GRIP1: variants seen among roughly 807,000 people sequenced by gnomAD.
The protein encoded by GRIP1 is glutamate receptor-interacting protein 1.
Under a neutral mutation model 129.9 loss-of-function variants are expected in GRIP1, and 45 were observed. The ratio of observed to expected loss-of-function variants is 0.35; its 90% CI spans 0.27 to 0.44. GRIP1 has a LOEUF of 0.44. GRIP1 is among the 20% of genes least tolerant of loss of function. GRIP1 has a pLI of 1.00. For missense variants in GRIP1, 1,196 were observed against 1,396.8 expected (o/e 0.86, Z 2.29); for synonymous variants, 530 against 520.8 (o/e 1.02, Z -0.24).
intron 1 of GRIP1, among the ~76,000 whole-genome samples, chr12:66,841,015 T>C (rs1160154841): frequency 6.6e-6 from 1 of 152,256 alleles, no homozygotes; most frequent in Non-Finnish European, 1.5e-5. Context: ...AGTATAAGGT[T>C]ATTTCAAATA....
chr12:66,393,888 G>A (rs1449467830), intron 17 of GRIP1, among the ~76,000 whole-genome samples: 1 of 152,138 alleles, frequency 6.6e-6, no homozygotes, highest in Non-Finnish European at 1.5e-5. Context: ...TGGACAAGCT[G>A]TTCAACCTCC....
chr12:66,907,050 C>G (rs889336826), intron 1 of GRIP1, among the ~76,000 whole-genome samples: 1 of 152,180 alleles, frequency 6.6e-6, no homozygotes, highest in African/African-American at 2.4e-5. Flanking sequence ...TTCCAGGATT[C>G]ACTCCAGGAT....
intron 1 of GRIP1, among the ~76,000 whole-genome samples, chr12:66,922,003 CATGAAAAATTATTAAT>C (rs1318211223): frequency 6.6e-6 from 1 of 152,150 alleles, no homozygotes; most frequent in Non-Finnish European, 1.5e-5. Context: ...TAAACAGAGA[CATGAAAAATTATTAAT>C]ATGAAATAAA....
intron 1 of GRIP1, among the ~76,000 whole-genome samples, chr12:66,650,348 T>C (rs982393335): frequency 1.3e-5 from 2 of 152,214 alleles, no homozygotes; most frequent in African/African-American, 4.8e-5. Flanking sequence ...GTGAGCTTTT[T>C]CCAAAGAACT....
At chr12:66,721,771 C>T (rs917178850) in intron 1 of GRIP1, among the ~76,000 whole-genome samples, 2 of 152,094 alleles carry the variant, frequency 1.3e-5, no homozygotes, top group Non-Finnish European at 2.9e-5. Flanking sequence ...TTATACTGGC[C>T]CCTTTCATCA....
At chr12:66,510,601 A>G (rs574527780) in intron 7 of GRIP1, among the ~76,000 whole-genome samples, 3 of 152,298 alleles carry the variant, frequency 2.0e-5, no homozygotes, top group Non-Finnish European at 4.4e-5. Context: ...TTTCAAAAAA[A>G]TTGTCCTTAA....
At chr12:66,605,051 T>TTATA (rs571923160) in intron 1 of GRIP1, among the ~76,000 whole-genome samples, 6 of 140,230 alleles carry the variant, frequency 4.3e-5, no homozygotes, top group South Asian at 4.4e-4. Flanking sequence ...CAGAAGTCAC[T>TTATA]TATATATATA....
intron 1 of GRIP1, among the ~76,000 whole-genome samples, chr12:66,704,990 T>C (rs978438666): frequency 1.1e-4 from 16 of 152,216 alleles, no homozygotes; most frequent in Admixed American, 8.5e-4. Flanking sequence ...ATGTCTTATC[T>C]AGGCAGTAAG....
chr12:66,890,472 T>C (rs2040640267), intron 1 of GRIP1, among the ~76,000 whole-genome samples: 1 of 152,234 alleles, frequency 6.6e-6, no homozygotes, highest in South Asian at 2.1e-4. Context: ...CTGATGCTGT[T>C]AACATGAACA....
intron 15 of GRIP1, 150 bp from the exon 16 acceptor site, chr12:66,406,578 C>T: frequency 1.3e-6 from 1 of 797,286 alleles, no homozygotes; most frequent in Non-Finnish European, 2.2e-6. Flanking sequence ...ACAACTCCCT[C>T]CCTTCTTCTA....
At position 66,603,591 on chromosome 12, in the gene GRIP1, A is replaced by G. The variant is rs558251063; in HGVS notation, c.56-6664T>C. Among the ~76,000 whole-genome samples the G allele has an allele frequency of 4.4e-4, 67 of 152,370 alleles. 1 individual carries two copies. Among genetic ancestry groups the G allele is most frequent in the Admixed American group, 3.9e-3 (59 of 15,310 alleles). Reference sequence around the variant, plus strand: ...CTGATACGACCAACAGCAACTGCACAGGTAGTGAGGATACACCTGTTCCAA... The same window carrying G: ...CTGATACGACCAACAGCAACTGCACGGGTAGTGAGGATACACCTGTTCCAA... On this transcript the variant is annotated intron_variant, in intron 1 of 24. Coordinates refer to ENST00000359742, the MANE Select transcript of GRIP1 (RefSeq NM_001366722.1).
At chr12:66,884,074 AATTG>A (rs2040524107) in intron 1 of GRIP1, among the ~76,000 whole-genome samples, 1 of 152,230 alleles carries the variant, frequency 6.6e-6, no homozygotes, top group South Asian at 2.1e-4. Context: ...TCTGGCAACA[AATTG>A]ATCAGGTTTT....
intron 1 of GRIP1, among the ~76,000 whole-genome samples, chr12:66,848,657 G>A (rs1291512126): frequency 6.6e-6 from 1 of 152,094 alleles, no homozygotes; most frequent in Non-Finnish European, 1.5e-5. Flanking sequence ...TAAATAAACA[G>A]TAAAACCTAA....
At chr12:66,707,503 T>TAAAAAAAAAAAA (rs58564255) in intron 1 of GRIP1, among the ~76,000 whole-genome samples, 1 of 64,040 alleles carries the variant, frequency 1.6e-5, no homozygotes, top group African/African-American at 5.8e-5. Context: ...AATCACTGAC[T>TAAAAAAAAAAAA]AAAAAAAAAA....
chr12:66,414,932 T>TCTAAA (rs2057535730), intron 15 of GRIP1, among the ~76,000 whole-genome samples: 1 of 121,950 alleles, frequency 8.2e-6, no homozygotes, highest in Non-Finnish European at 1.6e-5. Flanking sequence ...TTACACCTTA[T>TCTAAA]ATAAAATAAA....
intron 7 of GRIP1, among the ~76,000 whole-genome samples, chr12:66,491,362 A>G (rs897500151): frequency 1.3e-5 from 2 of 152,232 alleles, no homozygotes; most frequent in Non-Finnish European, 2.9e-5. Context: ...CAACACAGGA[A>G]CAGAATACCA....
At position 66,385,001 on chromosome 12, in the gene GRIP1, A is replaced by G. The variant is rs529743190; in HGVS notation, c.2465-5565T>C. Among the ~76,000 whole-genome samples, 5 of 152,334 alleles carry G rather than the reference A, an allele frequency of 3.3e-5. No individual in the cohort carries two copies. The East Asian group carries it at 9.7e-4, about 29-fold the overall frequency. ...TTGCCATTACTGATAAAAAGTTAAC[A>G]GGCTCTGAGGAATATTCCTTTACAC... On this transcript the variant is annotated intron_variant, in intron 19 of 24. Transcript: ENST00000359742.
chr12:67,067,934 G>C (rs553712056), intron 1 of GRIP1, among the ~76,000 whole-genome samples: 19 of 152,230 alleles, frequency 1.2e-4, no homozygotes, highest in African/African-American at 4.3e-4. Context: ...AGCCCATGGA[G>C]CCCCTGCATC....
chr12:66,388,877 A>G (rs1425964103), intron 19 of GRIP1, among the ~76,000 whole-genome samples: 2 of 152,216 alleles, frequency 1.3e-5, no homozygotes, highest in Non-Finnish European at 2.9e-5. Flanking sequence ...TTTGTCCAAG[A>G]GTGTATCCAC....
Sources: allele counts gnomAD v4.1 joint callset (sites outside exome capture counted in the v4.1 genomes callset), GRCh38; gene constraint gnomAD v4.1.1; transcripts MANE v1.5; gene names NCBI Gene and HGNC (gene_info 2026-07-23, HGNC 2026-07-21).